Variants in RGS7 observed in about 807,000 individuals in gnomAD.
RGS7 encodes the protein regulator of G-protein signaling 7.
In RGS7, 27 loss-of-function variants were observed where a neutral mutation model predicts 81.1. The ratio of observed to expected loss-of-function variants is 0.33; its 90% CI spans 0.25 to 0.46. The LOEUF (loss-of-function observed/expected upper bound fraction) is 0.46, where lower values mean the gene tolerates loss of function less well. Among genes scored for constraint, RGS7 ranks in the 20% least tolerant of loss-of-function variants. The pLI, the probability that RGS7 is intolerant of heterozygous loss-of-function variation, is 1.00. For synonymous variants in RGS7, 208 were observed against 207.7 expected (o/e 1.00, Z -0.01); for missense variants, 396 against 607.4 (o/e 0.65, Z 3.66).
chr1:240,953,024 T>C (rs1355855641), intron 4 of RGS7, among the ~76,000 whole-genome samples: 1 of 151,924 alleles, frequency 6.6e-6, no homozygotes, highest in Admixed American at 6.6e-5. Context: ...ACTTTTCTAT[T>C]ACAATCCTAA....
At chr1:240,923,243 T>C (rs956657272) in intron 6 of RGS7, among the ~76,000 whole-genome samples, 10 of 152,074 alleles carry the variant, frequency 6.6e-5, no homozygotes, top group African/African-American at 2.2e-4. Context: ...TGAAACTAAA[T>C]GGTGGATAAA....
At chr1:240,905,607 T>C (rs1163629356) in intron 6 of RGS7, among the ~76,000 whole-genome samples, 1 of 152,188 alleles carries the variant, frequency 6.6e-6, no homozygotes, top group African/African-American at 2.4e-5. Context: ...TTCCAAAACT[T>C]ATATTCTTCC....
chr1:240,893,353 C>T (rs955630082), intron 6 of RGS7, among the ~76,000 whole-genome samples: 3 of 152,040 alleles, frequency 2.0e-5, no homozygotes, highest in Non-Finnish European at 2.9e-5. Flanking sequence ...TTTAAGAAAA[C>T]GATTTTGCTT....
At chr1:240,989,263 C>T (rs936788069) in intron 3 of RGS7, among the ~76,000 whole-genome samples, 3 of 151,122 alleles carry the variant, frequency 2.0e-5, no homozygotes, top group Non-Finnish European at 2.9e-5. Context: ...CATGGTGACA[C>T]CCTGTCTCTA....
intron 9 of RGS7, among the ~76,000 whole-genome samples, chr1:240,833,527 T>C (rs1481084857): frequency 6.6e-6 from 1 of 152,208 alleles, no homozygotes; most frequent in Non-Finnish European, 1.5e-5. Context: ...GAGTATTAAA[T>C]GCATTTTTGA....
intron 10 of RGS7, chr1:240,823,467 G>C: frequency 4.3e-6 from 1 of 230,004 alleles, no homozygotes; most frequent in Non-Finnish European, 8.7e-6. Context: ...CACGGGCTGC[G>C]GCCGGGTCCG....
chr1:240,793,429 A>G (rs754504327), intron 18 of RGS7, among the ~76,000 whole-genome samples: 11 of 151,874 alleles, frequency 7.2e-5, no homozygotes, highest in Non-Finnish European at 1.0e-4. Flanking sequence ...TGCCAACTAC[A>G]AAATGACAAA....
intron 9 of RGS7, among the ~76,000 whole-genome samples, chr1:240,835,753 A>G (rs957759197): frequency 2.0e-5 from 3 of 152,212 alleles, no homozygotes; most frequent in Non-Finnish European, 4.4e-5. Flanking sequence ...ATTCAGCATT[A>G]AAAAGAAATG....
intron 3 of RGS7, among the ~76,000 whole-genome samples, chr1:241,054,558 T>G (rs2061394706): frequency 6.6e-6 from 1 of 152,182 alleles, no homozygotes; most frequent in Non-Finnish European, 1.5e-5. Context: ...ATCCAACCAC[T>G]TACTTGACAA....
chr1:240,800,179 C>G (rs779815534), intron 18 of RGS7, among the ~76,000 whole-genome samples: 1 of 152,090 alleles, frequency 6.6e-6, no homozygotes, highest in African/African-American at 2.4e-5. Context: ...TTGACATTGT[C>G]TTTATTGCCC....
At chr1:241,233,469 T>G (rs1419926538) in intron 2 of RGS7, among the ~76,000 whole-genome samples, 1 of 152,238 alleles carries the variant, frequency 6.6e-6, no homozygotes, top group Admixed American at 6.5e-5. Context: ...GTCTCACATA[T>G]GACTGAAATC....
intron 2 of RGS7, among the ~76,000 whole-genome samples, chr1:241,119,803 T>G (rs1249892871): frequency 6.6e-6 from 1 of 152,162 alleles, no homozygotes; most frequent in East Asian, 1.9e-4. Context: ...CTGTCAGTTG[T>G]TTTCCTTGAA....
intron 9 of RGS7, among the ~76,000 whole-genome samples, chr1:240,862,904 A>G (rs1010816610): frequency 1.7e-4 from 25 of 151,512 alleles, no homozygotes; most frequent in Non-Finnish European, 3.2e-4. Flanking sequence ...TTTTTTTACG[A>G]ATAATTTCTG....
intron 18 of RGS7, among the ~76,000 whole-genome samples, chr1:240,778,602 G>A (rs1265002223): frequency 6.6e-6 from 1 of 152,102 alleles, no homozygotes; most frequent in Non-Finnish European, 1.5e-5. Flanking sequence ...GCGAAATCTC[G>A]GCTCACTGCA....
At chr1:240,914,943 A>G (rs1203469491) in intron 6 of RGS7, among the ~76,000 whole-genome samples, 1 of 152,168 alleles carries the variant, frequency 6.6e-6, no homozygotes, top group Non-Finnish European at 1.5e-5. Flanking sequence ...ACTGCAACTG[A>G]TTAGTTGTTC....
rs373858457 is a variant in RGS7, at chr1:241,012,043, C to A, written c.176-28914G>T. Among the ~76,000 whole-genome samples the A allele has an allele frequency of 2.5e-4, 38 of 152,246 alleles. No homozygotes were observed. In the East Asian group the frequency reaches 2.7e-3, roughly 11 times the overall value. Reference sequence around the variant, plus strand: ...TTCTTTCTTATGTGAGATCCAAGAACCCTTTCTTGGGGTCTGGACTGGGAC... The same window carrying A: ...TTCTTTCTTATGTGAGATCCAAGAAACCTTTCTTGGGGTCTGGACTGGGAC... On this transcript the variant is annotated intron_variant, in intron 3 of 18. Coordinates refer to ENST00000440928, the MANE Select transcript of RGS7 (RefSeq NM_001364886.1).
In RGS7 at chr1:240,783,645, T is replaced by TA. The variant is rs958969041; in HGVS notation, c.*7-7433dup. The stretch of plus-strand genomic sequence containing the variant: ...CTCAAAAAAAATAAAAAATAAAAAA[T>TA]AAAAAAAAATCGTTCTTGGTCTTAA... On this transcript the variant is annotated intron_variant, in intron 18 of 18. Transcript: ENST00000440928. 2.7e-4 allele frequency among the ~76,000 whole-genome samples: 40 copies of TA among 150,030 alleles called. 1 individual carries two copies. Among genetic ancestry groups the TA allele is most frequent in the South Asian group, 8.5e-4 (4 of 4,730 alleles).
chr1:240,928,210 A>C (rs1393028166), intron 6 of RGS7, among the ~76,000 whole-genome samples: 3 of 152,206 alleles, frequency 2.0e-5, no homozygotes, highest in Non-Finnish European at 4.4e-5. Flanking sequence ...TGTAGTGCGA[A>C]GGCCTACCTT....
chr1:241,278,665 C>T (rs375554480), intron 2 of RGS7, among the ~76,000 whole-genome samples: 16 of 152,324 alleles, frequency 1.1e-4, no homozygotes, highest in Middle Eastern at 3.4e-3. Context: ...AGCCCACACA[C>T]CTCACCACTG....
Sources: gnomAD v4.1 joint callset for allele counts (sites outside exome capture counted in the v4.1 genomes callset) on GRCh38, gnomAD v4.1.1 for gene constraint, MANE v1.5 for transcripts, NCBI Gene and HGNC (gene_info 2026-07-23, HGNC 2026-07-21) for gene names.